BICC1: variants seen among roughly 807,000 people sequenced by gnomAD.
The protein encoded by BICC1 is protein bicaudal C homolog 1.
In BICC1, 43 loss-of-function variants were observed where a neutral mutation model predicts 111.0. The observed-to-expected ratio is 0.39, with a 90% CI of 0.30 to 0.50. The LOEUF (loss-of-function observed/expected upper bound fraction) is 0.50, where lower values mean the gene tolerates loss of function less well. Ranked by LOEUF, BICC1 falls within the 20% of genes least tolerant of loss-of-function variation. The probability of loss-of-function intolerance (pLI) is 0.88; values close to 1 mark genes in which losing one functional copy is unlikely to be tolerated. For synonymous variants in BICC1, 467 were observed against 434.4 expected (o/e 1.07, Z -0.93); for missense variants, 1,091 against 1,203.2 (o/e 0.91, Z 1.38).
At chr10:58,777,632 T>A (rs1239216832) in intron 3 of BICC1, among the ~76,000 whole-genome samples, 1 of 152,144 alleles carries the variant, frequency 6.6e-6, no homozygotes, top group Non-Finnish European at 1.5e-5. Context: ...TGAAAATGCC[T>A]AAGGAATTTG....
intron 2 of BICC1, among the ~76,000 whole-genome samples, chr10:58,634,947 A>G (rs900285384): frequency 5.9e-5 from 9 of 152,186 alleles, no homozygotes; most frequent in Admixed American, 5.9e-4. Context: ...TATCCTCATC[A>G]TATTCATGTT....
intron 1 of BICC1, among the ~76,000 whole-genome samples, chr10:58,536,275 ATTC>A (rs1842824230): frequency 6.6e-6 from 1 of 151,804 alleles, no homozygotes; most frequent in Admixed American, 6.6e-5. Context: ...CAGAATATAC[ATTC>A]TTCTTATCAG....
chr10:58,709,139 A>G lies in BICC1; in HGVS notation c.307+6996A>G, dbSNP rs574618099. ...AACTGTAGTCACCCTACAGTGCTACAGAACACTAGGATTTATTCTTCCAAT... is the reference window on the plus strand; with the variant it reads ...AACTGTAGTCACCCTACAGTGCTACGGAACACTAGGATTTATTCTTCCAAT... On this transcript the variant is annotated intron_variant, in intron 3 of 20. Coordinates refer to ENST00000373886, the MANE Select transcript of BICC1 (RefSeq NM_001080512.3). Among the ~76,000 whole-genome samples, 128 of 152,316 alleles carry G rather than the reference A, an allele frequency of 8.4e-4. 1 individual carries two copies. Among genetic ancestry groups the G allele is most frequent in the African/African-American group, 2.9e-3 (122 of 41,574 alleles).
At chr10:58,737,259 G>T (rs1006330775) in intron 3 of BICC1, among the ~76,000 whole-genome samples, 1 of 151,798 alleles carries the variant, frequency 6.6e-6, no homozygotes, top group Non-Finnish European at 1.5e-5. Flanking sequence ...TCCCCCCACC[G>T]CACAACAGTC....
intron 1 of BICC1, among the ~76,000 whole-genome samples, chr10:58,599,689 C>A (rs1844961062): frequency 6.6e-6 from 1 of 152,076 alleles, no homozygotes. Flanking sequence ...TACTTGTCCT[C>A]TTTCTCTCTC....
chr10:58,797,090 G>A (rs1353319108), intron 10 of BICC1, among the ~76,000 whole-genome samples: 1 of 152,126 alleles, frequency 6.6e-6, no homozygotes, highest in Non-Finnish European at 1.5e-5. Context: ...TCATCTCAGA[G>A]CTTCAGTCGA....
At chr10:58,532,328 A>G (rs1471883493) in intron 1 of BICC1, among the ~76,000 whole-genome samples, 1 of 151,838 alleles carries the variant, frequency 6.6e-6, no homozygotes. Flanking sequence ...ATGGATTTCA[A>G]ACTTTTTTTT....
chr10:58,673,480 G>C (rs1839243133), intron 2 of BICC1, among the ~76,000 whole-genome samples: 1 of 152,188 alleles, frequency 6.6e-6, no homozygotes, highest in Non-Finnish European at 1.5e-5. Context: ...CTGTAAGACA[G>C]GTGCTGGACT....
rs1335630476 is a variant in BICC1, at chr10:58,830,572, G to A, written c.*1681G>A. The A allele has an allele frequency of 1.3e-5, 2 of 152,138 alleles. No homozygotes were observed. The highest frequency in any genetic ancestry group is 4.8e-5 in the African/African-American group (2 of 41,454). 9.4% of individuals were successfully genotyped at this position (152,138 alleles called of 1,614,324 possible). A position where few individuals can be genotyped will look rare whatever the true frequency, so the allele number is the denominator to read the frequency against. On this transcript the variant is annotated 3_prime_UTR_variant, in exon 21 of 21. Coordinates refer to ENST00000373886, the MANE Select transcript of BICC1 (RefSeq NM_001080512.3). ...TGGCTGAGTCTGACCATTACAGTAAGAACAAGAATTGAAGAGGCATTTTGC... is the reference window on the plus strand; with the variant it reads ...TGGCTGAGTCTGACCATTACAGTAAAAACAAGAATTGAAGAGGCATTTTGC...
At chr10:58,526,758 C>G (rs1842554411) in intron 1 of BICC1, among the ~76,000 whole-genome samples, 1 of 152,058 alleles carries the variant, frequency 6.6e-6, no homozygotes, top group African/African-American at 2.4e-5. Flanking sequence ...GACATGAACT[C>G]ATCCTTTTTT....
intron 2 of BICC1, among the ~76,000 whole-genome samples, chr10:58,682,152 A>G (rs1292818184): frequency 6.6e-6 from 1 of 151,746 alleles, no homozygotes; most frequent in Non-Finnish European, 1.5e-5. Context: ...TTTGCTCAGA[A>G]TGATGGTTTC....
At chr10:58,573,367 A>G (rs1224479953) in intron 1 of BICC1, among the ~76,000 whole-genome samples, 1 of 152,174 alleles carries the variant, frequency 6.6e-6, no homozygotes, top group Non-Finnish European at 1.5e-5. Flanking sequence ...GCAAGGCAGA[A>G]TTCCTGAAGC....
chr10:58,583,074 C>G (rs1295985445), intron 1 of BICC1, among the ~76,000 whole-genome samples: 1 of 152,116 alleles, frequency 6.6e-6, no homozygotes, highest in Non-Finnish European at 1.5e-5. Context: ...TAGTCTTCCT[C>G]TAGTGTTCTG....
chr10:58,823,866 G>A lies in BICC1; in HGVS notation c.2794+3398G>A, dbSNP rs868404505. 71 of 985,034 alleles carry A rather than the reference G, an allele frequency of 7.2e-5. No individual in the cohort carries two copies. The African/African-American group carries it at 1.1e-3, about 15-fold the overall frequency. 61.0% of individuals were successfully genotyped at this position (985,034 alleles called of 1,614,324 possible). On this transcript the variant is annotated intron_variant, in intron 20 of 20. Transcript: ENST00000373886. ...CTTTAAATATATTCAATTCTGTCTT[G>A]ATTTCTGAATTTTGAAGTGCTGTGT...
chr10:58,729,856 C>T (rs1480123090), intron 3 of BICC1, among the ~76,000 whole-genome samples: 1 of 152,184 alleles, frequency 6.6e-6, no homozygotes, highest in Non-Finnish European at 1.5e-5. Context: ...ACCCAATGGT[C>T]CAGTTGCCTC....
chr10:58,512,917 C>T lies in BICC1; in HGVS notation c.-227C>T, dbSNP rs1047600668. On this transcript the variant is annotated 5_prime_UTR_variant, in exon 1 of 21. Transcript: ENST00000373886. ...GCGGGGGGCGGCGCAGCCACTGGAC[C>T]CGGACCGGGGCCGCGACCCGGGGTG... Among the ~76,000 whole-genome samples, 4 of 147,174 alleles carry T rather than the reference C, an allele frequency of 2.7e-5. No homozygotes were observed. The highest frequency in any genetic ancestry group is 9.8e-5 in the African/African-American group (4 of 40,934).
chr10:58,542,441 T>C (rs1015268111), intron 1 of BICC1, among the ~76,000 whole-genome samples: 97 of 151,792 alleles, frequency 6.4e-4, no homozygotes, highest in Non-Finnish European at 2.4e-4. Flanking sequence ...GGGAAAAGCT[T>C]CATGACATTG....
At chr10:58,803,549 C>T (rs1468023318) in intron 15 of BICC1, among the ~76,000 whole-genome samples, 1 of 152,046 alleles carries the variant, frequency 6.6e-6, no homozygotes, top group Non-Finnish European at 1.5e-5. Context: ...GTTTGCGGGA[C>T]TGCATTTCTA....
intron 17 of BICC1, among the ~76,000 whole-genome samples, chr10:58,810,149 A>G (rs1171684234): frequency 6.6e-6 from 1 of 152,236 alleles, no homozygotes; most frequent in Non-Finnish European, 1.5e-5. Context: ...AGGAATAGGC[A>G]TAGGAGCCCA....
Sources: gnomAD v4.1 joint callset for allele counts (sites outside exome capture counted in the v4.1 genomes callset) on GRCh38, gnomAD v4.1.1 for gene constraint, MANE v1.5 for transcripts, NCBI Gene and HGNC (gene_info 2026-07-23, HGNC 2026-07-21) for gene names.